GBF1: variants seen among roughly 807,000 people sequenced by gnomAD.
GBF1 encodes the protein Golgi-specific brefeldin A-resistance guanine nucleotide exchange factor 1.
In GBF1, 114 loss-of-function variants were observed where a neutral mutation model predicts 210.5. The observed-to-expected ratio is 0.54, with a 90% CI of 0.47 to 0.63. The LOEUF (loss-of-function observed/expected upper bound fraction) is 0.63, where lower values mean the gene tolerates loss of function less well. Among genes scored for constraint, GBF1 ranks in the 30% least tolerant of loss-of-function variants. The probability of loss-of-function intolerance (pLI) is 0.00; values close to 1 mark genes in which losing one functional copy is unlikely to be tolerated. For missense variants in GBF1, 1,851 were observed against 2,357.7 expected (o/e 0.79, Z 4.45); for synonymous variants, 850 against 889.2 (o/e 0.96, Z 0.78).
At chr10:102,231,545 G>A in the GBF1 span, 3 of 1,350,554 alleles carry the variant, frequency 2.2e-6, no homozygotes, top group Non-Finnish European at 3.1e-6. Flanking sequence ...GGCTGAGCGC[G>A]GAGGGCCCGC....
At chr10:102,377,288 A>G (rs1323253602) in intron 33 of GBF1, 148 bp downstream of exon 33, 8 of 562,076 alleles carry the variant, frequency 1.4e-5, no homozygotes, top group East Asian at 1.4e-4. Context: ...CCCTTACCCA[A>G]AACCTTACCT....
At chr10:102,267,603 G>A (rs1307505832) in intron 3 of GBF1, among the ~76,000 whole-genome samples, 1 of 152,176 alleles carries the variant, frequency 6.6e-6, no homozygotes, top group African/African-American at 2.4e-5. Context: ...TTTTCCTACA[G>A]GGGTCTATAG....
chr10:102,308,707 A>C (rs1430289940), intron 3 of GBF1, among the ~76,000 whole-genome samples: 10 of 133,916 alleles, frequency 7.5e-5, no homozygotes, highest in African/African-American at 2.5e-4. Flanking sequence ...GGGGAACATC[A>C]CACTCTGGGG....
chr10:102,357,509 T>G (rs1244272705), intron 8 of GBF1, among the ~76,000 whole-genome samples: 1 of 151,772 alleles, frequency 6.6e-6, no homozygotes, highest in African/African-American at 2.4e-5. Flanking sequence ...AAAAATATGT[T>G]TATGGCTTAG....
the GBF1 span, among the ~76,000 whole-genome samples, chr10:102,240,026 G>T: frequency 1.1e-4 from 17 of 152,242 alleles, no homozygotes; most frequent in African/African-American, 3.4e-4. Flanking sequence ...GGCTGAGGAA[G>T]AAAAAGGGAA....
intron 3 of GBF1, among the ~76,000 whole-genome samples, chr10:102,303,112 C>T (rs981987843): frequency 2.0e-5 from 3 of 151,832 alleles, no homozygotes; most frequent in Non-Finnish European, 2.9e-5. Flanking sequence ...CTCCACCTCC[C>T]AAGTAGCTGG....
intron 3 of GBF1, among the ~76,000 whole-genome samples, chr10:102,286,001 A>C (rs2075904746): frequency 6.6e-6 from 1 of 152,194 alleles, no homozygotes. Context: ...CTGTTTTCAA[A>C]GTAAACAAAA....
At position 102,382,279 on chromosome 10, in the gene GBF1, G is replaced by A. The variant is rs1395037640; in HGVS notation, c.5526G>A (p.Val1842=). 6.2e-7 allele frequency: 1 copy of A among 1,613,852 alleles called. No individual in the cohort carries two copies. The highest frequency in any genetic ancestry group is 8.5e-7 in the Non-Finnish European group (1 of 1,179,900). ...CGCTCATCGAGGCCACCTCACCAGT[G>A]CCCCTCCTGGCCACACCCCGCCCCA... ...NPALIEATSP[V]PLLATPRPTD... is the part of the protein sequence containing the mutation. The change falls in exon 40 of 40, where the codon GTG becomes GTA. Residue 1842 remains valine, a synonymous_variant. Transcript: ENST00000369983.
At chr10:102,330,437 A>C (rs1470118866) in intron 3 of GBF1, among the ~76,000 whole-genome samples, 3 of 152,178 alleles carry the variant, frequency 2.0e-5, no homozygotes, top group Non-Finnish European at 4.4e-5. Flanking sequence ...TAATCCCAGC[A>C]CTTTGGGAGG....
chr10:102,243,138 T>C (rs144432247), upstream of GBF1, among the ~76,000 whole-genome samples: 1 of 152,228 alleles, frequency 6.6e-6, no homozygotes, highest in Non-Finnish European at 1.5e-5. Flanking sequence ...GCCCTTCCTG[T>C]GAAAGTAACC....
chr10:102,339,805 G>T (rs570054856), intron 3 of GBF1, among the ~76,000 whole-genome samples: 7 of 152,138 alleles, frequency 4.6e-5, no homozygotes, highest in Non-Finnish European at 1.0e-4. Flanking sequence ...TTATTTTTTG[G>T]AACAGGGTCT....
intron 3 of GBF1, among the ~76,000 whole-genome samples, chr10:102,315,780 G>A (rs1182896965): frequency 6.6e-6 from 1 of 152,128 alleles, no homozygotes; most frequent in Admixed American, 6.5e-5. Flanking sequence ...GTGGTCCATG[G>A]CCTTGGGGTT....
At chr10:102,362,355 C>T (rs192124628) in intron 14 of GBF1, 120 bp from the exon 15 acceptor site, 7 of 739,174 alleles carry the variant, frequency 9.5e-6, no homozygotes, top group Admixed American at 2.5e-5. Context: ...CACGCCCGGC[C>T]AGAAAGACGT....
In GBF1 at chr10:102,343,988, CT is replaced by C. The variant is rs567694589; in HGVS notation, c.164-58del. 2,410 of 1,463,484 alleles carry C rather than the reference CT, an allele frequency of 1.6e-3. 3 individuals are homozygous for C. Among genetic ancestry groups the C allele is most frequent in the Non-Finnish European group, 2.2e-3 (2,282 of 1,047,738 alleles). The allele number at this position is 1,463,484 out of a possible 1,614,324, so 90.7% of individuals were successfully genotyped here. A position where few individuals can be genotyped will look rare whatever the true frequency, so the allele number is the denominator to read the frequency against. ...CTAGCCTCATGGCACAAACAAGAAA[CT>C]TTTTCCAGGGTTTAGTTTTCTCTTA... On this transcript the variant is annotated intron_variant, in intron 3 of 39. Coordinates refer to ENST00000369983, the MANE Select transcript of GBF1 (RefSeq NM_001377137.1).
At chr10:102,262,811 C>G (rs1369417508) in intron 3 of GBF1, among the ~76,000 whole-genome samples, 1 of 152,224 alleles carries the variant, frequency 6.6e-6, no homozygotes, top group Non-Finnish European at 1.5e-5. Context: ...GCCTGATTTC[C>G]TTACGTCCTT....
chr10:102,312,295 GAA>G (rs199516651), intron 3 of GBF1, among the ~76,000 whole-genome samples: 10 of 128,990 alleles, frequency 7.8e-5, no homozygotes, highest in Non-Finnish European at 8.3e-5. Context: ...CTCTGTCTCA[GAA>G]AAAAAAAAAA....
chr10:102,334,829 A>C (rs1043729158), intron 3 of GBF1, among the ~76,000 whole-genome samples: 12 of 151,770 alleles, frequency 7.9e-5, no homozygotes, highest in African/African-American at 2.9e-4. Context: ...AGGCTGGGTG[A>C]CAGAGCGAGA....
chr10:102,281,254 AACTCTATTGCAAGTCAG>A (rs1322309249), intron 3 of GBF1, among the ~76,000 whole-genome samples: 2 of 152,156 alleles, frequency 1.3e-5, no homozygotes, highest in African/African-American at 2.4e-5. Context: ...AAAGAAAATC[AACTCTATTGCAAGTCAG>A]ACATGAGGCA....
intron 30 of GBF1, 96 bp from the exon 31 acceptor site, chr10:102,376,176 C>A (rs2135311848): frequency 1.1e-6 from 1 of 899,058 alleles, no homozygotes. Context: ...AGAGGGGAGG[C>A]CAGGCCTCAG....
Sources: gnomAD v4.1 joint callset for allele counts (sites outside exome capture counted in the v4.1 genomes callset) on GRCh38, gnomAD v4.1.1 for gene constraint, MANE v1.5 for transcripts, NCBI Gene and HGNC (gene_info 2026-07-23, HGNC 2026-07-21) for gene names.